Variants in NKAIN2 observed in about 807,000 individuals in gnomAD.
NKAIN2 encodes the protein sodium/potassium-transporting ATPase subunit beta-1-interacting protein 2.
In NKAIN2, 14 loss-of-function variants were observed where a neutral mutation model predicts 32.6. The ratio of observed to expected loss-of-function variants is 0.43; its 90% CI spans 0.28 to 0.67. The LOEUF (loss-of-function observed/expected upper bound fraction) is 0.67. Ranked by LOEUF, NKAIN2 falls within the 30% of genes least tolerant of loss-of-function variation. The pLI, the probability that NKAIN2 is intolerant of heterozygous loss-of-function variation, is 0.17. For synonymous variants in NKAIN2, 80 were observed against 87.2 expected, an observed-to-expected ratio of 0.92 and a Z score of 0.46; for missense variants, 198 against 258.3, an observed-to-expected ratio of 0.77 and a Z score of 1.60.
chr6:124,810,490 G>A (rs1780842279), intron 5 of NKAIN2, among the ~76,000 whole-genome samples: 2 of 152,026 alleles, frequency 1.3e-5, no homozygotes, highest in South Asian at 2.1e-4. Flanking sequence ...TTGTGGGGTG[G>A]GGGGAGCGGG....
chr6:123,898,553 T>G (rs909010741), intron 1 of NKAIN2, among the ~76,000 whole-genome samples: 1 of 88,140 alleles, frequency 1.1e-5, no homozygotes, highest in African/African-American at 8.6e-5. Context: ...CCAGGGGTGT[T>G]TTTTTTTTTT....
intron 4 of NKAIN2, among the ~76,000 whole-genome samples, chr6:124,681,489 A>G (rs994474034): frequency 6.6e-6 from 1 of 152,060 alleles, no homozygotes; most frequent in Admixed American, 6.6e-5. Flanking sequence ...AGCTTGATGT[A>G]TCATCTTGGT....
intron 1 of NKAIN2, among the ~76,000 whole-genome samples, chr6:123,917,534 C>G (rs375536809): frequency 2.6e-5 from 4 of 152,264 alleles, no homozygotes; most frequent in African/African-American, 9.6e-5. Flanking sequence ...TATGTCGTAG[C>G]AATGTATAGC....
intron 1 of NKAIN2, among the ~76,000 whole-genome samples, chr6:123,890,842 T>C (rs975434410): frequency 2.0e-5 from 3 of 152,078 alleles, no homozygotes; most frequent in Non-Finnish European, 4.4e-5. Context: ...TATATACTTA[T>C]AAGAATTGAA....
chr6:124,365,549 A>G (rs1319159539), intron 3 of NKAIN2, among the ~76,000 whole-genome samples: 1 of 151,950 alleles, frequency 6.6e-6, no homozygotes, highest in Non-Finnish European at 1.5e-5. Flanking sequence ...GTAAAAATTA[A>G]TAGAATTAAA....
chr6:124,259,462 A>G (rs980801908), intron 1 of NKAIN2, among the ~76,000 whole-genome samples: 9 of 152,138 alleles, frequency 5.9e-5, no homozygotes, highest in African/African-American at 2.2e-4. Context: ...CGAGAAAGTC[A>G]GTTTCTATGT....
intron 3 of NKAIN2, among the ~76,000 whole-genome samples, chr6:124,418,746 C>T (rs1774613428): frequency 6.6e-6 from 1 of 151,548 alleles, no homozygotes; most frequent in Non-Finnish European, 1.5e-5. Flanking sequence ...TCTTTGAACT[C>T]TCCCTAACAA....
intron 4 of NKAIN2, among the ~76,000 whole-genome samples, chr6:124,692,324 C>G (rs1441023495): frequency 6.6e-6 from 1 of 152,068 alleles, no homozygotes; most frequent in East Asian, 1.9e-4. Context: ...GTAGATGATA[C>G]AAAAATCATT....
At chr6:124,141,439 G>A (rs972317098) in intron 1 of NKAIN2, among the ~76,000 whole-genome samples, 15 of 152,040 alleles carry the variant, frequency 9.9e-5, no homozygotes, top group Non-Finnish European at 2.2e-4. Context: ...AATATGAAGT[G>A]TGGGGAAGCT....
At chr6:124,482,591 C>A (rs1011765288) in intron 3 of NKAIN2, among the ~76,000 whole-genome samples, 4 of 152,096 alleles carry the variant, frequency 2.6e-5, no homozygotes, top group African/African-American at 7.2e-5. Flanking sequence ...TAAGCAAAAA[C>A]TAAGGGAGAA....
chr6:124,760,751 G>A (rs1778226731), intron 4 of NKAIN2, among the ~76,000 whole-genome samples: 1 of 152,088 alleles, frequency 6.6e-6, no homozygotes, highest in African/African-American at 2.4e-5. Context: ...AGCTGTTTGA[G>A]GCTGTCTGTC....
rs540834853 is a variant in NKAIN2, at chr6:124,173,869, A to G, written c.55-109136A>G. Among the ~76,000 whole-genome samples, 6 of 152,214 alleles carry G rather than the reference A, an allele frequency of 3.9e-5. No homozygotes were observed. The East Asian group carries it at 5.8e-4, about 15-fold the overall frequency. On this transcript the variant is annotated intron_variant, in intron 1 of 6. Transcript: ENST00000368417. ...CTTATTTCTTCAAACTTCTCTTCAG[A>G]GTAAAGTTTTGATAATTGATAATTT...
intron 3 of NKAIN2, among the ~76,000 whole-genome samples, chr6:124,373,004 A>G (rs767046221): frequency 6.6e-6 from 1 of 152,198 alleles, no homozygotes; most frequent in Non-Finnish European, 1.5e-5. Flanking sequence ...TATAAATATC[A>G]CTATGACTGT....
At chr6:124,746,608 A>G (rs2114700928) in intron 4 of NKAIN2, among the ~76,000 whole-genome samples, 1 of 152,060 alleles carries the variant, frequency 6.6e-6, no homozygotes, top group South Asian at 2.1e-4. Flanking sequence ...CTGTACTGAT[A>G]TACAGTAAAA....
intron 4 of NKAIN2, among the ~76,000 whole-genome samples, chr6:124,785,026 A>G (rs1779436282): frequency 6.6e-6 from 1 of 152,094 alleles, no homozygotes; most frequent in Admixed American, 6.6e-5. Context: ...AGACTTTTTC[A>G]GTGCTGACCT....
At chr6:124,320,038 G>T (rs1385244144) in intron 2 of NKAIN2, among the ~76,000 whole-genome samples, 2 of 152,126 alleles carry the variant, frequency 1.3e-5, no homozygotes, top group Non-Finnish European at 2.9e-5. Flanking sequence ...GAGCCATCTG[G>T]CTTGTGGTCC....
intron 1 of NKAIN2, among the ~76,000 whole-genome samples, chr6:124,028,966 C>G (rs543677490): frequency 3.5e-5 from 5 of 144,260 alleles, no homozygotes; most frequent in African/African-American, 1.3e-4. Flanking sequence ...GCTCTTCAGA[C>G]TTGTTCAAAG....
intron 1 of NKAIN2, among the ~76,000 whole-genome samples, chr6:124,185,491 A>G (rs539003912): frequency 1.3e-5 from 2 of 152,306 alleles, no homozygotes; most frequent in Non-Finnish European, 2.9e-5. Flanking sequence ...TATATAATGA[A>G]CAATAAAAGA....
intron 1 of NKAIN2, among the ~76,000 whole-genome samples, chr6:124,042,837 T>G (rs1781934207): frequency 6.6e-6 from 1 of 152,074 alleles, no homozygotes; most frequent in Non-Finnish European, 1.5e-5. Context: ...AGAAAATGAT[T>G]TTTGTATTTA....
Sources: allele counts gnomAD v4.1 joint callset (sites outside exome capture counted in the v4.1 genomes callset), GRCh38; gene constraint gnomAD v4.1.1; transcripts MANE v1.5; gene names NCBI Gene and HGNC (gene_info 2026-07-23, HGNC 2026-07-21).